Variants in IL1RAPL2 observed in about 807,000 individuals in gnomAD.
IL1RAPL2 encodes the protein interleukin 1 receptor accessory protein like 2, also known as X-linked interleukin-1 receptor accessory protein-like 2.
In IL1RAPL2, 3 loss-of-function variants were observed where a neutral mutation model predicts 44.1. The observed-to-expected ratio is 0.07, with a 90% CI of 0.03 to 0.18. The LOEUF (loss-of-function observed/expected upper bound fraction) is 0.18, where lower values mean the gene tolerates loss of function less well. Among genes scored for constraint, IL1RAPL2 ranks in the 10% least tolerant of loss-of-function variants. The pLI is 1.00. For missense variants in IL1RAPL2, 391 were observed against 496.4 expected (o/e 0.79, Z 2.02); for synonymous variants, 181 against 178.8 (o/e 1.01, Z -0.10).
intron 2 of IL1RAPL2, among the ~76,000 whole-genome samples, chrX:104,935,887 T>G (rs1319922010): frequency 9.0e-6 from 1 of 111,255 alleles, no homozygotes; most frequent in Non-Finnish European, 1.9e-5. Flanking sequence ...AATTCTAAAT[T>G]TAGGTGTCCT....
intron 2 of IL1RAPL2, among the ~76,000 whole-genome samples, chrX:104,936,775 T>G (rs1925038599): frequency 9.1e-6 from 1 of 109,569 alleles, no homozygotes; most frequent in Non-Finnish European, 1.9e-5. Context: ...TGGCTAATTT[T>G]TTTTGTATTT....
At chrX:104,790,066 T>C (rs1932817657) in intron 2 of IL1RAPL2, among the ~76,000 whole-genome samples, 1 of 112,381 alleles carries the variant, frequency 8.9e-6, no homozygotes, top group Non-Finnish European at 1.9e-5. Flanking sequence ...GCTGGCACTC[T>C]GCAGAATTTT....
intron 4 of IL1RAPL2, among the ~76,000 whole-genome samples, chrX:105,248,420 T>C (rs1330122677): frequency 1.8e-5 from 2 of 111,648 alleles, no homozygotes; most frequent in Non-Finnish European, 3.8e-5. Flanking sequence ...TTCCTAAAAA[T>C]GTACAAAAAT....
chrX:104,582,496 C>T lies in IL1RAPL2; in HGVS notation c.-20+15445C>T, dbSNP rs765083149. On this transcript the variant is annotated intron_variant, in intron 1 of 10. Transcript: ENST00000372582. ...AAGTAATCATACAGCTTTTTCTTTT[C>T]TCTCTCTCTCTCTCTCTTTCTTTCT... Among the ~76,000 whole-genome samples the T allele has an allele frequency of 1.9e-3, 196 of 105,259 alleles. 1 individual carries two copies. Among genetic ancestry groups the T allele is most frequent in the Non-Finnish European group, 3.2e-3 (162 of 50,659 alleles). 91.4% of individuals were successfully genotyped at this position (105,259 alleles called of 115,157 possible). A position where few individuals can be genotyped will look rare whatever the true frequency, so the allele number is the denominator to read the frequency against.
chrX:105,680,331 T>A (rs754291433), intron 6 of IL1RAPL2, among the ~76,000 whole-genome samples: 1 of 111,971 alleles, frequency 8.9e-6, no homozygotes, highest in African/African-American at 3.2e-5. Context: ...TCTCAAAACG[T>A]CCTAAAGTCC....
intron 2 of IL1RAPL2, among the ~76,000 whole-genome samples, chrX:105,119,932 AT>A (rs1288090578): frequency 9.1e-6 from 1 of 110,405 alleles, no homozygotes; most frequent in Non-Finnish European, 1.9e-5. Context: ...TAAGCTTATT[AT>A]ATAGACTTAT....
At chrX:105,557,341 T>G (rs1039525048) in intron 6 of IL1RAPL2, among the ~76,000 whole-genome samples, 14 of 111,553 alleles carry the variant, frequency 1.3e-4, no homozygotes, top group East Asian at 2.8e-4. Context: ...CAGTAACTTT[T>G]TGTGTGTGTG....
At chrX:104,913,432 G>A (rs939159370) in intron 2 of IL1RAPL2, among the ~76,000 whole-genome samples, 12 of 111,305 alleles carry the variant, frequency 1.1e-4, no homozygotes, top group African/African-American at 2.6e-4. Flanking sequence ...ATCACTTCAG[G>A]TCCCTGAGCA....
chrX:105,254,207 A>G (rs2034296408), intron 4 of IL1RAPL2, among the ~76,000 whole-genome samples: 1 of 111,915 alleles, frequency 8.9e-6, no homozygotes, highest in South Asian at 3.8e-4. Flanking sequence ...CAACCTCACC[A>G]GCATCTGTTA....
intron 2 of IL1RAPL2, among the ~76,000 whole-genome samples, chrX:104,740,043 T>C (rs945985862): frequency 1.8e-5 from 2 of 111,506 alleles, no homozygotes; most frequent in Admixed American, 9.6e-5. Context: ...GTAAAAGTAG[T>C]ATTTTACTAG....
chrX:105,667,231 C>T (rs2037778181), intron 6 of IL1RAPL2, among the ~76,000 whole-genome samples: 1 of 111,606 alleles, frequency 9.0e-6, no homozygotes. Flanking sequence ...AAGATTTTAC[C>T]CATTGAATGG....
chrX:105,362,941 T>G (rs1028418168), intron 5 of IL1RAPL2, among the ~76,000 whole-genome samples: 3 of 109,758 alleles, frequency 2.7e-5, no homozygotes, highest in Non-Finnish European at 3.8e-5. Flanking sequence ...GTGCAATAGA[T>G]CAATAAAACT....
intron 2 of IL1RAPL2, among the ~76,000 whole-genome samples, chrX:104,867,533 C>G (rs751763367): frequency 4.5e-5 from 5 of 111,763 alleles, no homozygotes; most frequent in Non-Finnish European, 9.4e-5. Context: ...ATGACTGTAA[C>G]AATCCACATG....
intron 2 of IL1RAPL2, among the ~76,000 whole-genome samples, chrX:105,037,431 G>A (rs936602888): frequency 9.0e-6 from 1 of 111,311 alleles, no homozygotes; most frequent in Non-Finnish European, 1.9e-5. Context: ...ACTGGGGAGT[G>A]TGGACTGGAT....
intron 2 of IL1RAPL2, among the ~76,000 whole-genome samples, chrX:104,762,956 C>T (rs1932490041): frequency 8.9e-6 from 1 of 112,315 alleles, no homozygotes; most frequent in African/African-American, 3.2e-5. Flanking sequence ...GGCATCTTCC[C>T]CATTGTTTTG....
intron 2 of IL1RAPL2, among the ~76,000 whole-genome samples, chrX:104,911,409 T>C (rs764049741): frequency 8.9e-6 from 1 of 111,891 alleles, no homozygotes; most frequent in South Asian, 3.7e-4. Context: ...TAGACAATTA[T>C]TACTCAGGTA....
chrX:105,586,343 G>C (rs969662147), intron 6 of IL1RAPL2, among the ~76,000 whole-genome samples: 146 of 111,815 alleles, frequency 1.3e-3, no homozygotes, highest in African/African-American at 4.7e-3. Context: ...AAAAAGTCAA[G>C]AAGCAATAAA....
chrX:105,519,537 A>G (rs1417585007), intron 6 of IL1RAPL2, among the ~76,000 whole-genome samples: 1 of 111,418 alleles, frequency 9.0e-6, no homozygotes, highest in African/African-American at 3.3e-5. Context: ...TGAAGGGTGG[A>G]TTCAAAGAAT....
intron 6 of IL1RAPL2, among the ~76,000 whole-genome samples, chrX:105,716,995 G>C (rs2038262333): frequency 9.0e-6 from 1 of 111,685 alleles, no homozygotes; most frequent in Non-Finnish European, 1.9e-5. Flanking sequence ...GGGAGACCCT[G>C]TGTGGTCCCA....
Sources: allele counts gnomAD v4.1 joint callset (sites outside exome capture counted in the v4.1 genomes callset), GRCh38; gene constraint gnomAD v4.1.1; transcripts MANE v1.5; gene names NCBI Gene and HGNC (gene_info 2026-07-23, HGNC 2026-07-21).